Variants in ATRNL1 observed in about 807,000 individuals in gnomAD.
ATRNL1 encodes attractin-like protein 1.
In ATRNL1, 95 loss-of-function variants were observed where a neutral mutation model predicts 182.7. That is an observed-to-expected ratio of 0.52 (90% CI 0.44 to 0.62). ATRNL1 has a LOEUF of 0.62. Ranked by LOEUF, ATRNL1 falls within the 20% of genes least tolerant of loss-of-function variation. The pLI, the probability that ATRNL1 is intolerant of heterozygous loss-of-function variation, is 0.00. For missense variants in ATRNL1, 1,471 were observed against 1,679.5 expected (o/e 0.88, Z 2.17); for synonymous variants, 576 against 568.3 (o/e 1.01, Z -0.19).
At chr10:115,643,931 A>G (rs1555031335) in intron 26 of ATRNL1, among the ~76,000 whole-genome samples, 1 of 152,188 alleles carries the variant, frequency 6.6e-6, no homozygotes, top group East Asian at 1.9e-4. Context: ...AGTTAAGCAT[A>G]TACATACCAA....
At chr10:115,547,973 C>T (rs1554994323) in intron 25 of ATRNL1, among the ~76,000 whole-genome samples, 4 of 151,978 alleles carry the variant, frequency 2.6e-5, no homozygotes, top group African/African-American at 9.7e-5. Context: ...ATTCTGGAGG[C>T]GGGATTAGAG....
intron 26 of ATRNL1, among the ~76,000 whole-genome samples, chr10:115,568,923 G>GTTTACACA (rs1441190967): frequency 2.0e-5 from 3 of 151,906 alleles, no homozygotes; most frequent in African/African-American, 7.2e-5. Context: ...ATATGCAAAT[G>GTTTACACA]TGTAAACATG....
intron 26 of ATRNL1, among the ~76,000 whole-genome samples, chr10:115,711,626 G>A (rs1272479063): frequency 6.6e-6 from 1 of 152,150 alleles, no homozygotes; most frequent in South Asian, 2.1e-4. Flanking sequence ...TCTAATGTCA[G>A]CTGCTTTGGG....
chr10:115,496,033 T>C (rs1257066434), intron 24 of ATRNL1, among the ~76,000 whole-genome samples: 2 of 152,200 alleles, frequency 1.3e-5, no homozygotes, highest in African/African-American at 2.4e-5. Flanking sequence ...TTTAGGATAG[T>C]TAGTTGTTCT....
intron 27 of ATRNL1, among the ~76,000 whole-genome samples, chr10:115,785,544 C>T (rs563232961): frequency 6.6e-6 from 1 of 152,328 alleles, no homozygotes; most frequent in South Asian, 2.1e-4. Flanking sequence ...GAAGGCCCTC[C>T]ACAGATCTTT....
At chr10:115,911,863 G>A (rs552653414) in intron 28 of ATRNL1, among the ~76,000 whole-genome samples, 1 of 152,108 alleles carries the variant, frequency 6.6e-6, no homozygotes, top group African/African-American at 2.4e-5. Context: ...CTTTTCCCAT[G>A]CACCATCCCG....
Position 115,165,544 on chromosome 10 carries a change from T to C in ATRNL1, c.1005-14T>C. The C allele has an allele frequency of 7.1e-7, 1 of 1,412,162 alleles. No individual in the cohort carries two copies. The highest frequency in any genetic ancestry group is 9.5e-7 in the Non-Finnish European group (1 of 1,051,984). The allele number at this position is 1,412,162 out of a possible 1,614,324, so 87.5% of individuals were successfully genotyped here. Reference sequence around the variant, plus strand: ...ATCTTAGCTTATGAAGTTATTTTCTTTTCTTGCTTTTAGTTACAATTTAGA... The same window carrying C: ...ATCTTAGCTTATGAAGTTATTTTCTCTTCTTGCTTTTAGTTACAATTTAGA... On this transcript the variant is annotated splice_polypyrimidine_tract_variant and intron_variant, in intron 6 of 28. Coordinates refer to ENST00000355044, the MANE Select transcript of ATRNL1 (RefSeq NM_207303.4).
chr10:115,281,551 T>C (rs2133925618), intron 14 of ATRNL1, 64 bp downstream of exon 14: 1 of 1,486,974 alleles, frequency 6.7e-7, no homozygotes, highest in Non-Finnish European at 9.2e-7. Flanking sequence ...CATAGAAAAG[T>C]ACATTTAGTA....
At chr10:115,379,449 A>G (rs1554950461) in intron 19 of ATRNL1, among the ~76,000 whole-genome samples, 3 of 152,142 alleles carry the variant, frequency 2.0e-5, no homozygotes, top group African/African-American at 7.2e-5. Context: ...TTACTGTACA[A>G]TGGTAATTCT....
intron 26 of ATRNL1, among the ~76,000 whole-genome samples, chr10:115,685,083 C>G (rs1466652497): frequency 2.0e-5 from 3 of 151,624 alleles, no homozygotes; most frequent in Admixed American, 6.6e-5. Context: ...TTCATTTTCA[C>G]TGTACAATTA....
chr10:115,910,390 C>T (rs188009383), intron 28 of ATRNL1, among the ~76,000 whole-genome samples: 31 of 152,232 alleles, frequency 2.0e-4, no homozygotes, highest in Non-Finnish European at 4.3e-4. Context: ...GTCTCCCCAT[C>T]GGGGAGAAGC....
intron 26 of ATRNL1, among the ~76,000 whole-genome samples, chr10:115,637,566 T>A (rs182936998): frequency 6.7e-6 from 1 of 149,906 alleles, no homozygotes; most frequent in African/African-American, 2.4e-5. Context: ...GCTTATAAAG[T>A]AAAATAATTA....
intron 21 of ATRNL1, among the ~76,000 whole-genome samples, chr10:115,458,045 C>T (rs1450936911): frequency 2.0e-5 from 3 of 151,874 alleles, no homozygotes; most frequent in Admixed American, 1.3e-4. Context: ...TTTCTTTATA[C>T]CATAATAGAG....
intron 19 of ATRNL1, among the ~76,000 whole-genome samples, chr10:115,370,709 A>G (rs1554947793): frequency 6.6e-6 from 1 of 152,222 alleles, no homozygotes; most frequent in African/African-American, 2.4e-5. Context: ...AAAAGTTTGG[A>G]AAATGTGCAG....
intron 20 of ATRNL1, among the ~76,000 whole-genome samples, chr10:115,404,647 G>A (rs1202016749): frequency 6.6e-6 from 1 of 152,132 alleles, no homozygotes; most frequent in African/African-American, 2.4e-5. Context: ...TATTCCCTTA[G>A]CATCTAGCTT....
At chr10:115,637,429 A>G (rs1858947267) in intron 26 of ATRNL1, among the ~76,000 whole-genome samples, 2 of 152,196 alleles carry the variant, frequency 1.3e-5, no homozygotes, top group South Asian at 4.1e-4. Flanking sequence ...CCAAAGTTAA[A>G]ATTTTAAAAA....
At position 115,620,080 on chromosome 10, in the gene ATRNL1, A is replaced by G. The variant is rs149701435; in HGVS notation, c.3795+70544A>G. 5.4e-3 allele frequency among the ~76,000 whole-genome samples: 825 copies of G among 152,348 alleles called. 3 individuals carry two copies. Among genetic ancestry groups the G allele is most frequent in the Non-Finnish European group, 8.5e-3 (575 of 68,038 alleles). On this transcript the variant is annotated intron_variant, in intron 26 of 28. Coordinates refer to ENST00000355044, the MANE Select transcript of ATRNL1 (RefSeq NM_207303.4). ...TAAATAAAAGAGGTTTATTTTGCTC[A>G]CAGTTCTGCAGTCTGTAGACGTGTG...
chr10:115,856,478 A>G (rs1385609542), intron 28 of ATRNL1, among the ~76,000 whole-genome samples: 3 of 139,998 alleles, frequency 2.1e-5, no homozygotes, highest in East Asian at 4.3e-4. Context: ...TTGTGAATCT[A>G]TTCTTTGCAC....
intron 26 of ATRNL1, among the ~76,000 whole-genome samples, chr10:115,648,304 A>T (rs1443995829): frequency 3.3e-5 from 5 of 152,218 alleles, no homozygotes; most frequent in Admixed American, 2.0e-4. Context: ...GAAATAAAAG[A>T]GGACACAAAC....
Sources: allele counts gnomAD v4.1 joint callset (sites outside exome capture counted in the v4.1 genomes callset), GRCh38; gene constraint gnomAD v4.1.1; transcripts MANE v1.5; gene names NCBI Gene and HGNC (gene_info 2026-07-23, HGNC 2026-07-21).